LIMCH1: variants seen among roughly 807,000 people sequenced by gnomAD.
LIMCH1 encodes LIM and calponin homology domains 1.
Under a neutral mutation model 176.5 loss-of-function variants are expected in LIMCH1, and 113 were observed. That is an observed-to-expected ratio of 0.64 (90% CI 0.55 to 0.75). The LOEUF (loss-of-function observed/expected upper bound fraction) is 0.75, where lower values mean the gene tolerates loss of function less well. Among genes scored for constraint, LIMCH1 ranks in the 30% least tolerant of loss-of-function variants. LIMCH1 has a pLI of 0.00. For missense variants in LIMCH1, 1,674 were observed against 1,814.9 expected (o/e 0.92, Z 1.41); for synonymous variants, 619 against 645.9 (o/e 0.96, Z 0.63).
At position 41,497,760 on chromosome 4, in the gene LIMCH1, G is replaced by A. The variant is rs553786892; in HGVS notation, c.167+3154G>A. Among the ~76,000 whole-genome samples the A allele has an allele frequency of 1.1e-3, 162 of 150,452 alleles. 2 individuals carry two copies. Among genetic ancestry groups the A allele is most frequent in the African/African-American group, 3.7e-3 (150 of 40,698 alleles). Reference sequence around the variant, plus strand: ...GCGGAGGTTGCAGTGAGCTGGGATCGTGCTACTGTACTCCAGCCTGGGCAA... The same window carrying A: ...GCGGAGGTTGCAGTGAGCTGGGATCATGCTACTGTACTCCAGCCTGGGCAA... On this transcript the variant is annotated intron_variant, in intron 2 of 26. Coordinates refer to the LIMCH1 transcript ENST00000313860.
chr4:41,550,292 A>G (rs1167188485), intron 1 of LIMCH1, among the ~76,000 whole-genome samples: 1 of 151,494 alleles, frequency 6.6e-6, no homozygotes, highest in Non-Finnish European at 1.5e-5. Context: ...AATTTAGCAC[A>G]TGTGGCAGGT....
chr4:41,609,362 T>G (rs1238667965), intron 4 of LIMCH1, among the ~76,000 whole-genome samples: 1 of 152,166 alleles, frequency 6.6e-6, no homozygotes, highest in Non-Finnish European at 1.5e-5. Flanking sequence ...TTGTTGATTT[T>G]TCTGGAATGT....
chr4:41,583,568 T>C (rs2085907542), intron 1 of LIMCH1, among the ~76,000 whole-genome samples: 1 of 152,166 alleles, frequency 6.6e-6, no homozygotes, highest in Non-Finnish European at 1.5e-5. Context: ...TTTTTCAACA[T>C]TCCTTGACGA....
rs146967384 is a variant in LIMCH1, at chr4:41,638,102, T to TTTGTTGTTG, written c.2091-806_2091-798dup. On this transcript the variant is annotated intron_variant, in intron 13 of 31. Coordinates refer to ENST00000503057, the MANE Select transcript of LIMCH1 (RefSeq NM_001330672.2). The stretch of plus-strand genomic sequence containing the variant: ...CAGGCATTTGTGGGAGCTGTGTTGT[T>TTTGTTGTTG]TTGTTGTTGTTGTTGTTGTTGTTGT... Among the ~76,000 whole-genome samples the TTTGTTGTTG allele has an allele frequency of 7.7e-3, 668 of 87,112 alleles. 11 individuals carry two copies. Among genetic ancestry groups the TTTGTTGTTG allele is most frequent in the African/African-American group, 0.026 (646 of 25,148 alleles). 57.1% of individuals were successfully genotyped at this position (87,112 alleles called of 152,430 possible). A position where few individuals can be genotyped will look rare whatever the true frequency, so the allele number is the denominator to read the frequency against.
chr4:41,482,564 A>G (rs2068826960), intron 1 of LIMCH1, among the ~76,000 whole-genome samples: 1 of 152,138 alleles, frequency 6.6e-6, no homozygotes. Context: ...AATGAGAAAA[A>G]TGTCTTTTGG....
At chr4:41,612,599 C>T (rs896700783) in intron 4 of LIMCH1, 12 of 702,348 alleles carry the variant, frequency 1.7e-5, no homozygotes, top group Non-Finnish European at 2.1e-5. Flanking sequence ...TATTATAATA[C>T]GAGGGTGAGG....
chr4:41,670,051 G>T (rs1383246825), intron 21 of LIMCH1, among the ~76,000 whole-genome samples: 2 of 152,210 alleles, frequency 1.3e-5, no homozygotes, highest in Non-Finnish European at 2.9e-5. Context: ...CCTGAAAACA[G>T]TCATAAAATA....
chr4:41,535,180 A>AGAAAAG (rs1323598412), upstream of LIMCH1, among the ~76,000 whole-genome samples: 1 of 142,338 alleles, frequency 7.0e-6, no homozygotes, highest in African/African-American at 2.8e-5. Context: ...AAAAAAAAAA[A>AGAAAAG]AAAAGAAAAG....
chr4:41,658,606 T>C (rs1375268505), intron 18 of LIMCH1, among the ~76,000 whole-genome samples: 1 of 152,232 alleles, frequency 6.6e-6, no homozygotes, highest in Non-Finnish European at 1.5e-5. Context: ...TCATTGATTC[T>C]AAGTGGCACA....
chr4:41,666,596 G>A lies in LIMCH1; in HGVS notation c.3327G>A (p.Thr1109=), dbSNP rs759422245. The A allele has an allele frequency of 3.7e-5, 59 of 1,613,784 alleles. No homozygotes were observed. The highest frequency in any genetic ancestry group is 3.3e-4 in the Middle Eastern group (2 of 6,082). Residue 1109 remains threonine (T), a synonymous_variant, in exon 21 of 32, where the codon ACG becomes ACA. Coordinates refer to ENST00000503057, the MANE Select transcript of LIMCH1 (RefSeq NM_001330672.2). ...VKPKSPEPEA[T]LTFPFLDKMP... Reference sequence around the variant, plus strand: ...CAAAATCTCCAGAACCCGAAGCAACGCTGACATTTCCATTTCTGGACAAAA... The same window carrying A: ...CAAAATCTCCAGAACCCGAAGCAACACTGACATTTCCATTTCTGGACAAAA...
chr4:41,582,705 G>C (rs2085722763), intron 1 of LIMCH1, among the ~76,000 whole-genome samples: 1 of 152,164 alleles, frequency 6.6e-6, no homozygotes. Context: ...GCTTTAGTAT[G>C]TAAATATACA....
In LIMCH1 at chr4:41,454,006, C is replaced by T. The variant is rs114777539; in HGVS notation, c.97-40530C>T. On this transcript the variant is annotated intron_variant, in intron 1 of 26. Coordinates refer to the LIMCH1 transcript ENST00000313860. ...CTCTGGTCAACACCAAGTCATCCTTCCTATCTAAGTTTAAATATCACTGCT... is the reference window on the plus strand; with the variant it reads ...CTCTGGTCAACACCAAGTCATCCTTTCTATCTAAGTTTAAATATCACTGCT... Among the ~76,000 whole-genome samples the T allele has an allele frequency of 7.5e-3, 1,140 of 152,222 alleles. 8 individuals are homozygous for T. The highest frequency in any genetic ancestry group is 0.026 in the African/African-American group (1,073 of 41,538).
intron 1 of LIMCH1, among the ~76,000 whole-genome samples, chr4:41,547,237 G>T (rs1015275247): frequency 6.6e-6 from 1 of 152,072 alleles, no homozygotes; most frequent in Non-Finnish European, 1.5e-5. Flanking sequence ...CTGTCTAATA[G>T]ATCACTGGAA....
intron 1 of LIMCH1, among the ~76,000 whole-genome samples, chr4:41,446,424 C>G (rs1173208754): frequency 6.6e-6 from 1 of 152,156 alleles, no homozygotes; most frequent in Non-Finnish European, 1.5e-5. Context: ...CAGAGATTCA[C>G]AAATATACGT....
intron 2 of LIMCH1, among the ~76,000 whole-genome samples, chr4:41,600,797 TA>T (rs541946869): frequency 3.3e-5 from 5 of 150,830 alleles, no homozygotes; most frequent in African/African-American, 1.2e-4. Flanking sequence ...AACTGACTTG[TA>T]AAAAAAAAGA....
intron 2 of LIMCH1, 60 bp downstream of exon 2, chr4:41,599,086 G>T (rs1274700799): frequency 4.0e-6 from 4 of 997,432 alleles, no homozygotes; most frequent in Non-Finnish European, 6.4e-6. Flanking sequence ...TTGCAATTTT[G>T]TGATGATGTT....
Position 41,697,165 on chromosome 4 carries a change from G to T in LIMCH1, c.4384G>T (p.Gly1462Trp), listed in dbSNP as rs142431467. The T allele has an allele frequency of 3.1e-6, 5 of 1,613,286 alleles. No individual in the cohort carries two copies. The South Asian group carries it at 5.5e-5, about 18-fold the overall frequency. ...NDCYMRSRSA[G>W]QPTTL is the part of the protein sequence containing the mutation. The stretch of plus-strand genomic sequence containing the variant: ...GTTGTTTGTTTTAATCACAGGTGCC[G>T]GGCAGCCTACAACATTGTGACACGG... Residue 1462 changes from glycine to tryptophan, a missense_variant, in exon 32 of 32, where the codon GGG (glycine) becomes TGG (tryptophan). Coordinates refer to ENST00000503057, the MANE Select transcript of LIMCH1 (RefSeq NM_001330672.2).
At chr4:41,541,820 T>A (rs894121219) in intron 1 of LIMCH1, among the ~76,000 whole-genome samples, 3 of 152,238 alleles carry the variant, frequency 2.0e-5, no homozygotes, top group Non-Finnish European at 4.4e-5. Context: ...GCTTTGGCAG[T>A]GATTTCCACA....
chr4:41,559,657 C>G (rs1352476563), intron 1 of LIMCH1, among the ~76,000 whole-genome samples: 2 of 152,120 alleles, frequency 1.3e-5, no homozygotes, highest in Non-Finnish European at 2.9e-5. Flanking sequence ...TGGGATTAAA[C>G]CTACTCTCAG....
Sources: gnomAD v4.1 joint callset for allele counts (sites outside exome capture counted in the v4.1 genomes callset) on GRCh38, gnomAD v4.1.1 for gene constraint, MANE v1.5 for transcripts, NCBI Gene and HGNC (gene_info 2026-07-23, HGNC 2026-07-21) for gene names.